LEPR: variants seen among roughly 807,000 people sequenced by gnomAD.
LEPR encodes the protein OB receptor.
Under a neutral mutation model 114.7 loss-of-function variants are expected in LEPR, and 56 were observed. The observed-to-expected ratio is 0.49, with a 90% CI of 0.39 to 0.61. The LOEUF is 0.61. LEPR is among the 20% of genes least tolerant of loss of function. The pLI is 0.00. For missense variants in LEPR, 1,202 were observed against 1,352.9 expected, an observed-to-expected ratio of 0.89 and a Z score of 1.75; for synonymous variants, 443 against 461.4, an observed-to-expected ratio of 0.96 and a Z score of 0.51.
chr1:65,463,823 G>A (rs72921454), intron 2 of LEPR, among the ~76,000 whole-genome samples: 18,901 of 151,952 alleles, frequency 0.12, 1,219 homozygotes, highest in South Asian at 0.22. Flanking sequence ...GGCTCTCTGT[G>A]TGTCTATTAT....
chr1:65,640,173 A>T lies in LEPR; in HGVS notation c.*3158A>T, dbSNP rs1658823375. 1 of 152,166 alleles carries T rather than the reference A, an allele frequency of 6.6e-6. No homozygotes were observed. Among genetic ancestry groups the T allele is most frequent in the African/African-American group, 2.4e-5 (1 of 41,450 alleles). 9.4% of individuals were successfully genotyped at this position (152,166 alleles called of 1,614,324 possible). A position where few individuals can be genotyped will look rare whatever the true frequency, so the allele number is the denominator to read the frequency against. On this transcript the variant is annotated 3_prime_UTR_variant, in exon 20 of 20. Coordinates refer to ENST00000349533, the MANE Select transcript of LEPR (RefSeq NM_002303.6). ...GGAATATTTATATTACCTCCTCCAA[A>T]ACTGAAAGAAAATAAACTTTAGGCT...
chr1:65,529,201 C>CT (rs1650201270), intron 2 of LEPR, among the ~76,000 whole-genome samples: 1 of 152,014 alleles, frequency 6.6e-6, no homozygotes, highest in Non-Finnish European at 1.5e-5. Flanking sequence ...GATTTCTTCT[C>CT]TCTCCTTTAA....
In LEPR at chr1:65,476,733, A is replaced by G. The variant is rs565315546; in HGVS notation, c.-21+51355A>G. On this transcript the variant is annotated intron_variant, in intron 2 of 19. Transcript: ENST00000349533. ...AACTCATTTCTCACAATGCACTATG[A>G]GATATTTACATATAATTCTTCAGTA... 2.0e-4 allele frequency among the ~76,000 whole-genome samples: 30 copies of G among 152,302 alleles called. No individual in the cohort carries two copies. The South Asian group carries it at 3.7e-3, about 19-fold the overall frequency.
chr1:65,480,362 A>C (rs953632166), intron 2 of LEPR, among the ~76,000 whole-genome samples: 1 of 152,194 alleles, frequency 6.6e-6, no homozygotes, highest in Non-Finnish European at 1.5e-5. Flanking sequence ...TCAGAAAAGT[A>C]CAAGAAGATA....
chr1:65,548,823 C>G (rs922023686), intron 2 of LEPR, among the ~76,000 whole-genome samples: 2 of 152,022 alleles, frequency 1.3e-5, no homozygotes, highest in South Asian at 2.1e-4. Flanking sequence ...AAGTTAATAT[C>G]GTTATGTGTG....
At chr1:65,455,503 C>G (rs1646856948) in intron 2 of LEPR, among the ~76,000 whole-genome samples, 1 of 152,060 alleles carries the variant, frequency 6.6e-6, no homozygotes, top group Admixed American at 6.6e-5. Flanking sequence ...TTCTAACAGA[C>G]AGGACCCTCA....
intron 2 of LEPR, among the ~76,000 whole-genome samples, chr1:65,515,440 G>A (rs965309792): frequency 2.6e-5 from 4 of 152,068 alleles, no homozygotes; most frequent in Non-Finnish European, 5.9e-5. Context: ...TTTTTGTGTA[G>A]GTAAGTGTTC....
At chr1:65,535,231 G>C (rs951849163) in intron 2 of LEPR, among the ~76,000 whole-genome samples, 11 of 151,460 alleles carry the variant, frequency 7.3e-5, no homozygotes, top group Admixed American at 4.0e-4. Context: ...TGTTATAGTA[G>C]TAAGATGTTA....
At chr1:65,477,830 T>G (rs1288541388) in intron 2 of LEPR, among the ~76,000 whole-genome samples, 1 of 152,236 alleles carries the variant, frequency 6.6e-6, no homozygotes, top group African/African-American at 2.4e-5. Context: ...CCAGATTGCC[T>G]AATTTTTGAA....
chr1:65,522,838 G>GTTT (rs34483675), intron 2 of LEPR, among the ~76,000 whole-genome samples: 1 of 147,420 alleles, frequency 6.8e-6, no homozygotes, highest in Non-Finnish European at 1.5e-5. Context: ...TCCTTTTAGG[G>GTTT]TTTTTTTTTT....
At chr1:65,477,088 T>C (rs1207773269) in intron 2 of LEPR, among the ~76,000 whole-genome samples, 2 of 152,254 alleles carry the variant, frequency 1.3e-5, no homozygotes, top group Non-Finnish European at 2.9e-5. Flanking sequence ...TTTTCTTCTT[T>C]TTTTGTAGCT....
chr1:65,557,758 A>T (rs1168349672), intron 2 of LEPR, among the ~76,000 whole-genome samples: 4 of 152,074 alleles, frequency 2.6e-5, no homozygotes, highest in Admixed American at 2.6e-4. Flanking sequence ...AAACTTCTTT[A>T]TATTCCTTTT....
intron 2 of LEPR, among the ~76,000 whole-genome samples, chr1:65,552,580 T>C (rs1390880055): frequency 6.6e-6 from 1 of 152,186 alleles, no homozygotes; most frequent in Non-Finnish European, 1.5e-5. Context: ...CCTCCATCCC[T>C]TTATTTTGAG....
Position 65,598,606 on chromosome 1 carries a change from G to T in LEPR, c.850-54G>T, listed in dbSNP as rs1656239767. 57 of 1,607,342 alleles carry T rather than the reference G, an allele frequency of 3.5e-5. 3 individuals carry two copies. In the South Asian group the frequency reaches 6.1e-4, roughly 17 times the overall value. ...TGAGATTAGCTTATCCTCACTTTTA[G>T]TAAAGGTTCCACATCAACTTGATGT... On this transcript the variant is annotated intron_variant, in intron 7 of 19. Coordinates refer to ENST00000349533, the MANE Select transcript of LEPR (RefSeq NM_002303.6).
At position 65,570,782 on chromosome 1, in the gene LEPR, C is replaced by A. The variant is rs777742149; in HGVS notation, c.350C>A (p.Ser117Tyr). The A allele has an allele frequency of 1.3e-6, 2 of 1,559,144 alleles. No individual in the cohort carries two copies. Among genetic ancestry groups the A allele is most frequent in the South Asian group, 1.2e-5 (1 of 81,302 alleles). ...EGKTFVSTVN[S>Y]LVFQQIDANW... is the part of the protein sequence containing the mutation. ...AAGACATTTGTTTCAACAGTAAATT[C>A]TTTAGTTTTTCAACAAATAGGTAAG... The change falls in exon 4 of 20, where the codon TCT becomes TAT. Residue 117 changes from serine (S) to tyrosine (Y), a missense_variant. Coordinates refer to ENST00000349533, the MANE Select transcript of LEPR (RefSeq NM_002303.6).
chr1:65,588,436 G>T (rs1214568068), intron 5 of LEPR, among the ~76,000 whole-genome samples: 2 of 151,836 alleles, frequency 1.3e-5, no homozygotes. Context: ...ATAATAAGCT[G>T]TACATATTTA....
At position 65,592,812 on chromosome 1, in the gene LEPR, C is replaced by T; in HGVS notation, c.650C>T (p.Ser217Phe). ...CTCCTTATGTGTTTGAAAATCACAT[C>T]TGGTGGAGTAATTTTCCAGTCACCT... is the stretch of plus-strand genomic sequence containing the variant. ...DTLLMCLKITSGGVIFQSPLM... is the reference protein window; with the variant it reads ...DTLLMCLKITFGGVIFQSPLM... Residue 217 changes from serine (S) to phenylalanine (F), a missense_variant, in exon 6 of 20, where the codon TCT becomes TTT. Physicochemically the swap from Ser to Phe is radical, Grantham distance 155. Coordinates refer to ENST00000349533, the MANE Select transcript of LEPR (RefSeq NM_002303.6). The T allele has an allele frequency of 6.2e-7, 1 of 1,613,276 alleles. No individual in the cohort carries two copies. The highest frequency in any genetic ancestry group is 8.5e-7 in the Non-Finnish European group (1 of 1,179,426).
chr1:65,425,520 GT>G, intron 2 of LEPR, 142 bp downstream of exon 2: 1 of 618,324 alleles, frequency 1.6e-6, no homozygotes, highest in Non-Finnish European at 2.7e-6. Flanking sequence ...CAGTCCCTTT[GT>G]GGGTCAGGTG....
At position 65,633,183 on chromosome 1, in the gene LEPR, T is replaced by TC. The variant is rs1440366051; in HGVS notation, c.2674-3007dup. The TC allele has an allele frequency of 6.2e-7, 1 of 1,608,484 alleles. No homozygotes were observed. Among genetic ancestry groups the TC allele is most frequent in the Non-Finnish European group, 8.5e-7 (1 of 1,176,424 alleles). On this transcript the variant is annotated intron_variant, in intron 19 of 19. Transcript: ENST00000349533. The surrounding 1 kb of genome is among the most constrained non-coding windows in gnomAD (Gnocchi z 4.1). ...GACATTCTTTGAAGTCTAATCATGA[T>TC]CACTACAGATGAACCCAATGTGCCA...
Sources: allele counts gnomAD v4.1 joint callset (sites outside exome capture counted in the v4.1 genomes callset), GRCh38; gene constraint gnomAD v4.1.1; non-coding constraint Gnocchi (gnomAD v3.1); transcripts MANE v1.5; gene names NCBI Gene and HGNC (gene_info 2026-07-23, HGNC 2026-07-21).